The following CWH43 variants were observed in gnomAD, a reference collection of about 807,000 sequenced individuals.
The protein encoded by CWH43 is cell wall biogenesis 43 C-terminal homolog.
Under a neutral mutation model 85.7 loss-of-function variants are expected in CWH43, and 91 were observed. The ratio of observed to expected loss-of-function variants is 1.06; its 90% CI spans 0.90 to 1.26. The LOEUF is 1.26. CWH43 is among the 50% of genes most tolerant of loss of function. The pLI is 0.00. For synonymous variants in CWH43, 323 were observed against 293.6 expected (o/e 1.10, Z -1.02); for missense variants, 869 against 839.2 (o/e 1.04, Z -0.44).
At chr4:49,008,627 A>C (rs1277344563) in intron 8 of CWH43, among the ~76,000 whole-genome samples, 11 of 152,312 alleles carry the variant, frequency 7.2e-5, no homozygotes, top group Admixed American at 7.2e-4. Context: ...TTAAGTCTTT[A>C]ATCCATCCTG....
chr4:48,989,235 G>T (rs1782582150), intron 2 of CWH43, among the ~76,000 whole-genome samples: 1 of 152,140 alleles, frequency 6.6e-6, no homozygotes, highest in Non-Finnish European at 1.5e-5. Context: ...CTTAAAAATG[G>T]AATCAAATGT....
At chr4:49,006,658 T>A (rs1272348550) in intron 7 of CWH43, among the ~76,000 whole-genome samples, 2 of 152,210 alleles carry the variant, frequency 1.3e-5, no homozygotes, top group African/African-American at 4.8e-5. Flanking sequence ...GCTAGTTTGT[T>A]GCATATCCCA....
chr4:48,999,465 G>A (rs1169160566), intron 6 of CWH43, among the ~76,000 whole-genome samples: 2 of 152,198 alleles, frequency 1.3e-5, no homozygotes, highest in Non-Finnish European at 1.5e-5. Flanking sequence ...AGGTCAAATG[G>A]TAATTCTGTT....
At chr4:49,047,161 G>A (rs1380781589) in intron 14 of CWH43, among the ~76,000 whole-genome samples, 2 of 152,144 alleles carry the variant, frequency 1.3e-5, no homozygotes, top group Non-Finnish European at 1.5e-5. Context: ...TTGCTTTCTG[G>A]GATGATATAG....
intron 10 of CWH43, among the ~76,000 whole-genome samples, chr4:49,029,587 G>A (rs1436449235): frequency 6.6e-6 from 1 of 152,204 alleles, no homozygotes; most frequent in Non-Finnish European, 1.5e-5. Flanking sequence ...TAAGAGGAAG[G>A]CCTCCATCTC....
rs1488193510 is a variant in CWH43, at chr4:48,986,488, T to A, written c.43+16T>A. 4 of 1,552,104 alleles carry A rather than the reference T, an allele frequency of 2.6e-6. No homozygotes were observed. The highest frequency in any genetic ancestry group is 3.5e-6 in the Non-Finnish European group (4 of 1,147,450). On this transcript the variant is annotated intron_variant, in intron 1 of 15. Coordinates refer to ENST00000226432, the MANE Select transcript of CWH43 (RefSeq NM_025087.3). ...TCGCTGCTGGGTAAGCCGAAGCCCC[T>A]CGCCGCGAGTTCGCGGGTGCCAGCT...
intron 15 of CWH43, among the ~76,000 whole-genome samples, chr4:49,059,903 G>T (rs942679353): frequency 1.4e-4 from 21 of 152,150 alleles, no homozygotes; most frequent in Admixed American, 9.8e-4. Context: ...GTGCTGGAAT[G>T]AACCTGGTGC....
rs540206243 is a variant in CWH43, at chr4:49,059,488, G to C, written c.2022-2324G>C. Among the ~76,000 whole-genome samples, 4 of 152,198 alleles carry C rather than the reference G, an allele frequency of 2.6e-5. No individual in the cohort carries two copies. The South Asian group carries it at 8.3e-4, about 32-fold the overall frequency. On this transcript the variant is annotated intron_variant, in intron 15 of 15. Transcript: ENST00000226432. ...TACTTGTGCTTTATTTGTTCCTTTG[G>C]TAGTATCATGTTTCCTTGATTATTT...
intron 5 of CWH43, among the ~76,000 whole-genome samples, chr4:48,995,531 GGCAT>G (rs1211272293): frequency 6.6e-6 from 1 of 152,208 alleles, no homozygotes; most frequent in Non-Finnish European, 1.5e-5. Flanking sequence ...TACAATTGAA[GGCAT>G]GCAGCTGCCT....
At chr4:48,986,791 G>A (rs867624067) in intron 1 of CWH43, 2 of 1,209,832 alleles carry the variant, frequency 1.7e-6, no homozygotes, top group Non-Finnish European at 2.1e-6. Flanking sequence ...GGCCGGTACC[G>A]TCCCCAAAGC....
intron 13 of CWH43, among the ~76,000 whole-genome samples, chr4:49,044,428 A>G (rs546039855): frequency 6.6e-6 from 1 of 152,322 alleles, no homozygotes; most frequent in East Asian, 1.9e-4. Flanking sequence ...TGTGTAAAGT[A>G]CTGTACAGGA....
intron 9 of CWH43, among the ~76,000 whole-genome samples, chr4:49,019,496 C>T (rs1783670909): frequency 6.6e-6 from 1 of 151,724 alleles, no homozygotes; most frequent in African/African-American, 2.4e-5. Flanking sequence ...CATACCAGGG[C>T]CTTGTAGAAC....
At chr4:49,055,513 C>A (rs548570508) in intron 15 of CWH43, among the ~76,000 whole-genome samples, 5 of 152,032 alleles carry the variant, frequency 3.3e-5, no homozygotes, top group Non-Finnish European at 7.4e-5. Context: ...ATAATGGCCT[C>A]ATAAACTGAA....
chr4:48,999,315 A>G (rs1225295450), intron 6 of CWH43, among the ~76,000 whole-genome samples: 1 of 152,138 alleles, frequency 6.6e-6, no homozygotes, highest in Non-Finnish European at 1.5e-5. Flanking sequence ...TTCTTTATCC[A>G]GTTTACCATT....
At chr4:49,061,209 A>T (rs1179207064) in intron 15 of CWH43, among the ~76,000 whole-genome samples, 1 of 152,154 alleles carries the variant, frequency 6.6e-6, no homozygotes, top group African/African-American at 2.4e-5. Flanking sequence ...GTTAAATTTG[A>T]TATTCCTTGT....
At chr4:48,986,774 C>T (rs1315748184) in intron 1 of CWH43, 2 of 1,241,556 alleles carry the variant, frequency 1.6e-6, no homozygotes, top group Non-Finnish European at 2.0e-6. Context: ...CGGCCTTGAC[C>T]CCGCGCGGCC....
At position 49,011,648 on chromosome 4, in the gene CWH43, C is replaced by T. The variant is rs11933306; in HGVS notation, c.1186+4322C>T. Among the ~76,000 whole-genome samples, 41 of 152,260 alleles carry T rather than the reference C, an allele frequency of 2.7e-4. 2 individuals carry two copies. The highest frequency in any genetic ancestry group is 9.4e-4 in the African/African-American group (39 of 41,546). On this transcript the variant is annotated intron_variant, in intron 8 of 15. Coordinates refer to ENST00000226432, the MANE Select transcript of CWH43 (RefSeq NM_025087.3). ...TTGTTCCTGTCCATGTTTAGTGCTT[C>T]CTTCAGGAGCTCTTTTAGGGCAGGC...
At chr4:49,014,344 C>T (rs1329000320) in intron 8 of CWH43, among the ~76,000 whole-genome samples, 1 of 151,600 alleles carries the variant, frequency 6.6e-6, no homozygotes, top group Non-Finnish European at 1.5e-5. Context: ...CCAGTAGTCT[C>T]AGCTACTAGG....
chr4:49,018,098 C>T (rs534588376), intron 9 of CWH43, among the ~76,000 whole-genome samples: 55 of 152,062 alleles, frequency 3.6e-4, no homozygotes, highest in African/African-American at 1.3e-3. Flanking sequence ...TCCCAAAGTG[C>T]TGGGATTACA....
Sources: allele counts gnomAD v4.1 joint callset (sites outside exome capture counted in the v4.1 genomes callset), GRCh38; gene constraint gnomAD v4.1.1; transcripts MANE v1.5; gene names NCBI Gene and HGNC (gene_info 2026-07-23, HGNC 2026-07-21).